The following RABGAP1L variants were observed in gnomAD, a reference collection of about 807,000 sequenced individuals.
The protein encoded by RABGAP1L is RAB GTPase activating protein 1 like.
Under a neutral mutation model 137.7 loss-of-function variants are expected in RABGAP1L, and 63 were observed. The ratio of observed to expected loss-of-function variants is 0.46; its 90% CI spans 0.37 to 0.56. The LOEUF (loss-of-function observed/expected upper bound fraction) is 0.56. Ranked by LOEUF, RABGAP1L falls within the 20% of genes least tolerant of loss-of-function variation. RABGAP1L has a pLI of 0.00. For synonymous variants in RABGAP1L, 431 were observed against 433.7 expected (o/e 0.99, Z 0.08); for missense variants, 1,095 against 1,244.0 (o/e 0.88, Z 1.80).
intron 13 of RABGAP1L, among the ~76,000 whole-genome samples, chr1:174,637,138 C>A (rs1231712492): frequency 6.6e-6 from 1 of 151,936 alleles, no homozygotes; most frequent in African/African-American, 2.4e-5. Flanking sequence ...CCCCTTCTCC[C>A]CATATAAACA....
At chr1:174,713,383 G>C (rs889329073) in intron 17 of RABGAP1L, among the ~76,000 whole-genome samples, 2 of 152,194 alleles carry the variant, frequency 1.3e-5, no homozygotes, top group Non-Finnish European at 1.5e-5. Flanking sequence ...GTCCCTTCCA[G>C]ATCTCATGTT....
intron 1 of RABGAP1L, among the ~76,000 whole-genome samples, chr1:174,163,768 G>GTT (rs76547958): frequency 6.8e-6 from 1 of 146,228 alleles, no homozygotes; most frequent in African/African-American, 2.5e-5. Flanking sequence ...AAATAAGACA[G>GTT]TTTTTTTTTT....
At chr1:174,218,497 A>G (rs1345959608) in intron 1 of RABGAP1L, among the ~76,000 whole-genome samples, 1 of 152,172 alleles carries the variant, frequency 6.6e-6, no homozygotes, top group Admixed American at 6.5e-5. Context: ...ACTGTGTTTG[A>G]TTACTGAAAC....
intron 14 of RABGAP1L, among the ~76,000 whole-genome samples, chr1:174,642,318 A>G (rs1002501936): frequency 3.9e-5 from 6 of 152,040 alleles, no homozygotes; most frequent in Non-Finnish European, 7.4e-5. Flanking sequence ...AAATATTTTT[A>G]TCAAAAAGAT....
At chr1:174,757,347 G>A (rs1431035152) in intron 18 of RABGAP1L, among the ~76,000 whole-genome samples, 1 of 151,612 alleles carries the variant, frequency 6.6e-6, no homozygotes, top group Non-Finnish European at 1.5e-5. Context: ...ATATCTCTGG[G>A]GTAAATTTCT....
intron 19 of RABGAP1L, among the ~76,000 whole-genome samples, chr1:174,876,888 A>T (rs1276156151): frequency 6.6e-6 from 1 of 152,076 alleles, no homozygotes; most frequent in African/African-American, 2.4e-5. Flanking sequence ...CTCAGAGGGG[A>T]AAATTTTTTT....
At chr1:174,279,562 C>T (rs1292573144) in intron 10 of RABGAP1L, among the ~76,000 whole-genome samples, 2 of 152,122 alleles carry the variant, frequency 1.3e-5, no homozygotes, top group Admixed American at 6.5e-5. Flanking sequence ...ATATAGAAGC[C>T]TCTTACCCAT....
chr1:174,948,974 T>C (rs1381540800), intron 19 of RABGAP1L: 10 of 152,190 alleles, frequency 6.6e-5, no homozygotes, highest in Admixed American at 6.5e-4. Context: ...CAAATATTTT[T>C]TAAAAGATGA....
intron 20 of RABGAP1L, among the ~76,000 whole-genome samples, chr1:174,966,352 A>C (rs1669624163): frequency 6.6e-6 from 1 of 152,244 alleles, no homozygotes. Flanking sequence ...GAAATGAGAA[A>C]AATCTCTTCC....
At chr1:174,276,005 GT>G in intron 9 of RABGAP1L, 70 bp downstream of exon 9, 1 of 1,296,218 alleles carries the variant, frequency 7.7e-7, no homozygotes, top group African/African-American at 1.5e-5. Context: ...TGCTTGTCAT[GT>G]TTTAAAAAAA....
At position 174,854,086 on chromosome 1, in the gene RABGAP1L, A is replaced by G. The variant is rs185881933; in HGVS notation, c.2340+42126A>G. 9.9e-4 allele frequency among the ~76,000 whole-genome samples: 151 copies of G among 152,334 alleles called. 1 individual carries two copies. The highest frequency in any genetic ancestry group is 3.5e-3 in the African/African-American group (147 of 41,574). On this transcript the variant is annotated intron_variant, in intron 19 of 25. Transcript: ENST00000681986. ...ATGAATGTCAGATTGCAGGCTGCCC[A>G]TAGTACATCCAGCATCAGCACACTG...
At chr1:174,667,890 C>T in intron 14 of RABGAP1L, among the ~76,000 whole-genome samples, 1 of 152,122 alleles carries the variant, frequency 6.6e-6, no homozygotes, top group East Asian at 1.9e-4. Flanking sequence ...TTGTATATGC[C>T]TTACTAAGCA....
intron 11 of RABGAP1L, among the ~76,000 whole-genome samples, chr1:174,333,668 C>T (rs768218407): frequency 3.3e-5 from 5 of 152,120 alleles, no homozygotes; most frequent in South Asian, 2.1e-4. Flanking sequence ...TATTTTAGCC[C>T]CTGAGGCTGC....
At chr1:174,546,010 TAAAG>T (rs1665978580) in intron 13 of RABGAP1L, 2 of 151,982 alleles carry the variant, frequency 1.3e-5, no homozygotes, top group Admixed American at 6.6e-5. Flanking sequence ...GGTTCTGTCA[TAAAG>T]AAAAAAAGAA....
intron 12 of RABGAP1L, among the ~76,000 whole-genome samples, chr1:174,374,728 C>T (rs541246730): frequency 2.2e-4 from 34 of 152,288 alleles, no homozygotes; most frequent in Non-Finnish European, 3.8e-4. Context: ...GTAGCTTGCA[C>T]AAGTTATTTA....
intron 1 of RABGAP1L, among the ~76,000 whole-genome samples, chr1:174,194,101 G>T (rs1330741654): frequency 6.6e-6 from 1 of 152,158 alleles, no homozygotes; most frequent in African/African-American, 2.4e-5. Flanking sequence ...GGTCAACACT[G>T]ACCTGCTTGG....
intron 19 of RABGAP1L, among the ~76,000 whole-genome samples, chr1:174,855,233 C>G (rs906749174): frequency 6.6e-6 from 1 of 152,114 alleles, no homozygotes; most frequent in Non-Finnish European, 1.5e-5. Context: ...TATTTTCTGC[C>G]TTGTTCTGGA....
intron 17 of RABGAP1L, among the ~76,000 whole-genome samples, chr1:174,745,579 T>G (rs1683805128): frequency 1.3e-5 from 2 of 152,242 alleles, no homozygotes; most frequent in African/African-American, 4.8e-5. Context: ...CTTTACCATT[T>G]ACTAACAGTG....
intron 13 of RABGAP1L, among the ~76,000 whole-genome samples, chr1:174,497,912 CT>C (rs5778805): frequency 0.12 from 18,144 of 152,144 alleles, 3,645 homozygotes; most frequent in African/African-American, 0.41. Flanking sequence ...CTGACAGTGA[CT>C]GTCTTCAAAT....
Sources: allele counts gnomAD v4.1 joint callset (sites outside exome capture counted in the v4.1 genomes callset), GRCh38; gene constraint gnomAD v4.1.1; transcripts MANE v1.5; gene names NCBI Gene and HGNC (gene_info 2026-07-23, HGNC 2026-07-21).